The following CLIC5 variants were observed in gnomAD, a reference collection of about 807,000 sequenced individuals.
CLIC5 encodes the protein CLIC family member 5.
A neutral mutation model predicts 24.7 loss-of-function variants in CLIC5; 20 were observed. The observed-to-expected ratio is 0.81, with a 90% confidence interval of 0.57 to 1.18. CLIC5 has a LOEUF of 1.18. Among genes scored for constraint, CLIC5 ranks in the 50% most tolerant of loss-of-function variants. The pLI, the probability that CLIC5 is intolerant of heterozygous loss-of-function variation, is 0.00. For missense variants in CLIC5, 341 were observed against 326.1 expected (o/e 1.05, Z -0.35); for synonymous variants, 159 against 135.6 (o/e 1.17, Z -1.20).
At chr6:45,993,840 T>C (rs1347183828) in intron 1 of CLIC5, among the ~76,000 whole-genome samples, 1 of 152,220 alleles carries the variant, frequency 6.6e-6, no homozygotes, top group Non-Finnish European at 1.5e-5. Flanking sequence ...ATACACGAAT[T>C]CTTTCTATAG....
chr6:45,914,667 C>A, intron 4 of CLIC5: 1 of 519,388 alleles, frequency 1.9e-6, no homozygotes, highest in East Asian at 8.0e-5. Context: ...AATATAGAAA[C>A]ACAGTCTGGG....
intron 6 of CLIC5, among the ~76,000 whole-genome samples, chr6:45,884,444 T>G (rs1007691388): frequency 6.6e-6 from 1 of 152,156 alleles, no homozygotes; most frequent in African/African-American, 2.4e-5. Context: ...TAGCAGGACT[T>G]GGAAGAAGGG....
intron 2 of CLIC5, 46 bp downstream of exon 2, chr6:45,955,089 T>G (rs763392422): frequency 2.8e-6 from 4 of 1,433,274 alleles, no homozygotes; most frequent in Non-Finnish European, 3.9e-6. Context: ...GAAGGTTCTC[T>G]GTTCATGCAG....
intron 1 of CLIC5, among the ~76,000 whole-genome samples, chr6:45,958,453 T>A (rs1225629523): frequency 4.9e-5 from 1 of 20,468 alleles, no homozygotes; most frequent in Non-Finnish European, 3.2e-4. Flanking sequence ...TATATATATA[T>A]ATATATATAT....
At chr6:45,931,580 C>T (rs1561942744) in intron 4 of CLIC5, among the ~76,000 whole-genome samples, 1 of 152,168 alleles carries the variant, frequency 6.6e-6, no homozygotes, top group Non-Finnish European at 1.5e-5. Flanking sequence ...CAGGCAATGT[C>T]TTACAATCAA....
intron 3 of CLIC5, among the ~76,000 whole-genome samples, chr6:45,943,909 G>T (rs889404910): frequency 6.6e-6 from 1 of 151,994 alleles, no homozygotes; most frequent in South Asian, 2.1e-4. Context: ...TGTTAATCTC[G>T]CAACTTTCAG....
rs1172204752 is a variant in CLIC5, at chr6:45,947,601, G to A, written c.299+1655C>T. 2.0e-5 allele frequency among the ~76,000 whole-genome samples: 3 copies of A among 152,204 alleles called. No homozygotes were observed. In the East Asian group the frequency reaches 5.8e-4, roughly 29 times the overall value. On this transcript the variant is annotated intron_variant, in intron 3 of 5. Transcript: ENST00000339561. The stretch of plus-strand genomic sequence containing the variant: ...CTGAGTGCCAGTGTTACTTCTAAGA[G>A]GGAAAATGTTAACTGCGTCATGAAC...
the CLIC5 span, among the ~76,000 whole-genome samples, chr6:46,093,702 G>A: frequency 1.3e-5 from 2 of 152,090 alleles, no homozygotes; most frequent in African/African-American, 4.8e-5. Flanking sequence ...GACTACTTGG[G>A]GAAAAGATCT....
chr6:45,975,762 C>A (rs530441555), intron 1 of CLIC5, among the ~76,000 whole-genome samples: 7 of 152,216 alleles, frequency 4.6e-5, no homozygotes, highest in East Asian at 1.9e-4. Context: ...TTAGCTGGAG[C>A]CTTCATTTCT....
intron 1 of CLIC5, among the ~76,000 whole-genome samples, chr6:46,054,024 T>A (rs1768177908): frequency 6.6e-6 from 1 of 152,110 alleles, no homozygotes; most frequent in Non-Finnish European, 1.5e-5. Context: ...TTGACTGAGA[T>A]AAAGAAGCCT....
At chr6:46,046,745 G>T (rs1767965057) in intron 1 of CLIC5, among the ~76,000 whole-genome samples, 2 of 152,188 alleles carry the variant, frequency 1.3e-5, no homozygotes, top group African/African-American at 2.4e-5. Context: ...AACTACACAG[G>T]AGGTGTTTGT....
chr6:46,049,533 G>C (rs1450013383), intron 1 of CLIC5, among the ~76,000 whole-genome samples: 1 of 152,126 alleles, frequency 6.6e-6, no homozygotes, highest in Admixed American at 6.5e-5. Flanking sequence ...GTATTAAGCA[G>C]AGTATCACAT....
chr6:45,897,479 C>A (rs1762409198), downstream of CLIC5, among the ~76,000 whole-genome samples: 1 of 152,088 alleles, frequency 6.6e-6, no homozygotes, highest in South Asian at 2.1e-4. Context: ...CCAATCAGAG[C>A]TCTGCCTGTG....
intron 1 of CLIC5, among the ~76,000 whole-genome samples, chr6:45,986,198 A>G (rs919806353): frequency 6.6e-6 from 1 of 152,212 alleles, no homozygotes; most frequent in Non-Finnish European, 1.5e-5. Flanking sequence ...AGACTAACAC[A>G]GTGCCTTTAA....
chr6:46,040,516 G>T (rs1767777638), intron 1 of CLIC5, among the ~76,000 whole-genome samples: 4 of 152,036 alleles, frequency 2.6e-5, no homozygotes, highest in Admixed American at 2.6e-4. Flanking sequence ...TGATGGTGGT[G>T]AATGATGATG....
At chr6:45,937,314 C>G (rs902467161) in intron 4 of CLIC5, 1 of 152,142 alleles carries the variant, frequency 6.6e-6, no homozygotes, top group South Asian at 2.1e-4. Context: ...TTAACAGTTA[C>G]GAGGCCAGAC....
chr6:45,908,882 C>G (rs142556820), intron 5 of CLIC5, among the ~76,000 whole-genome samples: 30 of 152,128 alleles, frequency 2.0e-4, no homozygotes, highest in Admixed American at 5.9e-4. Context: ...TTGAAGTCCC[C>G]CATTATTATT....
intron 5 of CLIC5, among the ~76,000 whole-genome samples, chr6:45,909,145 C>G (rs1762743105): frequency 6.6e-6 from 1 of 151,390 alleles, no homozygotes; most frequent in Non-Finnish European, 1.5e-5. Context: ...GATCTTTCTT[C>G]AGCCCTTTAC....
At chr6:46,085,032 C>A (rs1215547450), upstream of CLIC5, among the ~76,000 whole-genome samples, 1 of 152,238 alleles carries the variant, frequency 6.6e-6, no homozygotes, top group Non-Finnish European at 1.5e-5. Flanking sequence ...TTTCATCTTC[C>A]ATCACTGATA....
Sources: allele counts gnomAD v4.1 joint callset (sites outside exome capture counted in the v4.1 genomes callset), GRCh38; gene constraint gnomAD v4.1.1; transcripts MANE v1.5; gene names NCBI Gene and HGNC (gene_info 2026-07-23, HGNC 2026-07-21).